WWOX: variants seen among roughly 807,000 people sequenced by gnomAD.
WWOX encodes WW domain containing oxidoreductase, also known as WW domain-containing oxidoreductase.
WWOX carries 69 observed loss-of-function variants against 46.2 expected under a neutral mutation model. That is an observed-to-expected ratio of 1.49 (90% CI 1.23 to 1.82). WWOX has a LOEUF of 1.82. Ranked by LOEUF, WWOX falls within the 40% of genes most tolerant of loss-of-function variation. The pLI is 0.00. For missense variants in WWOX, 919 were observed against 542.6 expected, an observed-to-expected ratio of 1.69 and a Z score of -6.89; for synonymous variants, 359 against 202.6, an observed-to-expected ratio of 1.77 and a Z score of -6.56.
Position 78,558,181 on chromosome 16 carries a change from G to C in WWOX, c.1056+125429G>C, listed in dbSNP as rs577041699. Among the ~76,000 whole-genome samples the C allele has an allele frequency of 2.0e-5, 3 of 152,090 alleles. No homozygotes were observed. The East Asian group carries it at 5.8e-4, about 29-fold the overall frequency. On this transcript the variant is annotated intron_variant, in intron 8 of 8. Transcript: ENST00000566780. ...TGGCTGCTGCCACCACCGCCTTCCC[G>C]GAGGTCAGCTTTATTTTCAGTGTTT...
At chr16:78,734,712 G>A (rs80184548) in intron 8 of WWOX, among the ~76,000 whole-genome samples, 21 of 151,942 alleles carry the variant, frequency 1.4e-4, no homozygotes, top group African/African-American at 4.8e-4. Flanking sequence ...TCAGTCACCT[G>A]ATTACAGCAG....
At chr16:78,945,847 C>G (rs1597187925) in intron 8 of WWOX, among the ~76,000 whole-genome samples, 1 of 152,242 alleles carries the variant, frequency 6.6e-6, no homozygotes, top group Admixed American at 6.5e-5. Context: ...GGAACTTCAT[C>G]TCGTAGTCAC....
chr16:78,719,409 C>G (rs540205962), intron 8 of WWOX, among the ~76,000 whole-genome samples: 7 of 152,348 alleles, frequency 4.6e-5, no homozygotes, highest in Non-Finnish European at 8.8e-5. Context: ...TAATCAGAAG[C>G]TTGCCTTACA....
Position 78,382,386 on chromosome 16 carries a change from G to A in WWOX, c.517-4474G>A, listed in dbSNP as rs150711511. ...GCTGGCAGTGTTACAGACAACAGAG[G>A]CTCCATCCACCTGGTCCCTGAGTGG... On this transcript the variant is annotated intron_variant, in intron 5 of 8. Transcript: ENST00000566780. Among the ~76,000 whole-genome samples the A allele has an allele frequency of 1.6e-3, 249 of 152,288 alleles. 1 individual carries two copies. The highest frequency in any genetic ancestry group is 5.7e-3 in the African/African-American group (237 of 41,560).
At position 78,878,641 on chromosome 16, in the gene WWOX, G is replaced by C. The variant is rs180742081; in HGVS notation, c.1057-332967G>C. 9.2e-5 allele frequency among the ~76,000 whole-genome samples: 14 copies of C among 152,192 alleles called. No individual in the cohort carries two copies. In the East Asian group the frequency reaches 2.3e-3, roughly 25 times the overall value. ...TGAAGAACCTAGCACACTGTTTGGT[G>C]CATGTGAGGGTTCTGTAAATGTTAC... On this transcript the variant is annotated intron_variant, in intron 8 of 8. Transcript: ENST00000566780.
At chr16:78,569,835 G>A (rs1038631245) in intron 8 of WWOX, among the ~76,000 whole-genome samples, 5 of 152,078 alleles carry the variant, frequency 3.3e-5, no homozygotes, top group Admixed American at 6.6e-5. Context: ...AACCATATTC[G>A]TAATATGATG....
chr16:79,023,473 A>G (rs1221855751), intron 8 of WWOX, among the ~76,000 whole-genome samples: 6 of 152,176 alleles, frequency 3.9e-5, no homozygotes, highest in African/African-American at 1.4e-4. Flanking sequence ...CAAAGTGTTC[A>G]GGTTACATCC....
At chr16:79,030,607 C>G (rs190520866) in intron 8 of WWOX, among the ~76,000 whole-genome samples, 1 of 152,328 alleles carries the variant, frequency 6.6e-6, no homozygotes, top group African/African-American at 2.4e-5. Context: ...TTGGCTTCTC[C>G]AAAGATTAGA....
chr16:79,146,866 C>G lies in WWOX; in HGVS notation c.1057-64742C>G, dbSNP rs552249346. 1.6e-4 allele frequency among the ~76,000 whole-genome samples: 24 copies of G among 152,268 alleles called. 1 individual carries two copies. The highest frequency in any genetic ancestry group is 3.1e-4 in the Non-Finnish European group (21 of 68,024). ...TGAGGTTTAAGGAGGTTGGAGGCACCTTCGCTTGTACTTCTACATGTGTCC... is the reference window on the plus strand; with the variant it reads ...TGAGGTTTAAGGAGGTTGGAGGCACGTTCGCTTGTACTTCTACATGTGTCC... On this transcript the variant is annotated intron_variant, in intron 8 of 8. Coordinates refer to ENST00000566780, the MANE Select transcript of WWOX (RefSeq NM_016373.4).
At chr16:79,138,336 T>A (rs762640557) in intron 8 of WWOX, among the ~76,000 whole-genome samples, 17 of 152,166 alleles carry the variant, frequency 1.1e-4, no homozygotes, top group Non-Finnish European at 2.2e-4. Context: ...CTTCTCAACT[T>A]GGGAGTCCCT....
chr16:78,811,552 G>C (rs985980504), intron 8 of WWOX, among the ~76,000 whole-genome samples: 2 of 148,072 alleles, frequency 1.4e-5, no homozygotes, highest in African/African-American at 5.0e-5. Flanking sequence ...TGTATTTCTA[G>C]GAGAAACGGG....
At chr16:78,233,097 T>C (rs1294502538) in intron 5 of WWOX, among the ~76,000 whole-genome samples, 1 of 152,220 alleles carries the variant, frequency 6.6e-6, no homozygotes, top group Non-Finnish European at 1.5e-5. Context: ...GAAATACCCA[T>C]TATTTTGGCT....
At chr16:78,813,536 G>T (rs1214821551) in intron 8 of WWOX, among the ~76,000 whole-genome samples, 1 of 152,110 alleles carries the variant, frequency 6.6e-6, no homozygotes, top group African/African-American at 2.4e-5. Flanking sequence ...TTCTGTGGTG[G>T]TCTGGCTTTG....
intron 5 of WWOX, among the ~76,000 whole-genome samples, chr16:78,206,212 C>G (rs530845168): frequency 6.6e-6 from 1 of 151,994 alleles, no homozygotes; most frequent in South Asian, 2.1e-4. Flanking sequence ...ATGCTAAATT[C>G]TTTGAAGTTA....
intron 8 of WWOX, among the ~76,000 whole-genome samples, chr16:78,503,031 G>C (rs868316863): frequency 6.6e-6 from 1 of 152,336 alleles, no homozygotes; most frequent in Non-Finnish European, 1.5e-5. Context: ...CCATGTTTCA[G>C]ACGTTCCCAT....
At chr16:78,369,603 G>C (rs537213948) in intron 5 of WWOX, among the ~76,000 whole-genome samples, 1 of 151,864 alleles carries the variant, frequency 6.6e-6, no homozygotes, top group East Asian at 2.0e-4. Context: ...TTAATGTCTG[G>C]GCAAAACTCA....
chr16:78,924,269 G>C (rs1441013855), intron 8 of WWOX, among the ~76,000 whole-genome samples: 1 of 152,152 alleles, frequency 6.6e-6, no homozygotes, highest in East Asian at 1.9e-4. Flanking sequence ...AATGTGGTTA[G>C]ACAAGTTTTA....
intron 8 of WWOX, among the ~76,000 whole-genome samples, chr16:79,021,428 A>G (rs1389067719): frequency 2.0e-5 from 3 of 152,128 alleles, no homozygotes; most frequent in Non-Finnish European, 4.4e-5. Flanking sequence ...AATACATAAA[A>G]CGCACGGGAT....
At chr16:78,657,723 G>T (rs1160713671) in intron 8 of WWOX, among the ~76,000 whole-genome samples, 2 of 152,156 alleles carry the variant, frequency 1.3e-5, no homozygotes, top group Non-Finnish European at 2.9e-5. Context: ...AGCTTGGAAG[G>T]TGGCGCAAAT....
Sources: allele counts gnomAD v4.1 joint callset (sites outside exome capture counted in the v4.1 genomes callset), GRCh38; gene constraint gnomAD v4.1.1; transcripts MANE v1.5; gene names NCBI Gene and HGNC (gene_info 2026-07-23, HGNC 2026-07-21).